B9D1: variants seen among roughly 807,000 people sequenced by gnomAD.
B9D1 encodes B9 domain containing 1.
In B9D1, 20 loss-of-function variants were observed where a neutral mutation model predicts 26.1. That is an observed-to-expected ratio of 0.77 (90% CI 0.54 to 1.12). The LOEUF (loss-of-function observed/expected upper bound fraction) is 1.12, where lower values mean the gene tolerates loss of function less well. Ranked by LOEUF, B9D1 falls within the 50% of genes most tolerant of loss-of-function variation. The probability of loss-of-function intolerance (pLI) is 0.00; values close to 1 mark genes in which losing one functional copy is unlikely to be tolerated. For missense variants in B9D1, 260 were observed against 273.7 expected, an observed-to-expected ratio of 0.95 and a Z score of 0.35; for synonymous variants, 105 against 103.1, an observed-to-expected ratio of 1.02 and a Z score of -0.11.
upstream of B9D1, among the ~76,000 whole-genome samples, chr17:19,365,472 C>T (rs571874222): frequency 3.9e-5 from 6 of 152,358 alleles, no homozygotes; most frequent in Admixed American, 2.6e-4. The surrounding 1 kb of genome is among the most constrained non-coding windows in gnomAD (Gnocchi z 5.0). Context: ...GATGAGGGCC[C>T]CCTCACAGCG....
chr17:19,376,456 G>C (rs1912104751), intron 1 of B9D1, among the ~76,000 whole-genome samples: 1 of 151,862 alleles, frequency 6.6e-6, no homozygotes, highest in African/African-American at 2.4e-5. Context: ...CTGCTACTGG[G>C]AGGCTTCAAC....
upstream of B9D1, chr17:19,362,813 A>G: frequency 1.7e-6 from 2 of 1,191,312 alleles, no homozygotes; most frequent in Non-Finnish European, 1.2e-6. Flanking sequence ...TAGGGCAGGT[A>G]TGACCGAGAG....
chr17:19,372,842 A>G lies in B9D1; in HGVS notation c.-298+5017T>C, dbSNP rs1911956364. Among the ~76,000 whole-genome samples the G allele has an allele frequency of 6.6e-6, 1 of 152,182 alleles. No homozygotes were observed. The highest frequency in any genetic ancestry group is 2.1e-4 in the South Asian group (1 of 4,832). Reference sequence around the variant, plus strand: ...AGCAGAGCGGCACCCTGCTCGGACAATTCACCTGCGCTCCTCAAAGTTTTT... The same window carrying G: ...AGCAGAGCGGCACCCTGCTCGGACAGTTCACCTGCGCTCCTCAAAGTTTTT... On this transcript the variant is annotated intron_variant, in intron 1 of 5. Coordinates refer to the B9D1 transcript ENST00000477478. This position sits in a 1 kb window ranked among gnomAD's most constrained non-coding sequence, Gnocchi z 4.4.
At chr17:19,338,120 A>G (rs1023072469), downstream of B9D1, among the ~76,000 whole-genome samples, 1 of 152,234 alleles carries the variant, frequency 6.6e-6, no homozygotes, top group Non-Finnish European at 1.5e-5. Context: ...TCCCCCAACA[A>G]TAACAACAAA....
In B9D1 at chr17:19,347,640, T is replaced by G; in HGVS notation, c.341+144A>C. 1 of 840,554 alleles carries G rather than the reference T, an allele frequency of 1.2e-6. No homozygotes were observed. The highest frequency in any genetic ancestry group is 2.0e-6 in the Non-Finnish European group (1 of 511,818). The allele number at this position is 840,554 out of a possible 1,614,324, so 52.1% of individuals were successfully genotyped here. A position where few individuals can be genotyped will look rare whatever the true frequency, so the allele number is the denominator to read the frequency against. ...AAAGGTTCTCCTCCCAAATACAGGC[T>G]ACAACCCCCCTGGCCACCAGGCTGA... On this transcript the variant is annotated intron_variant, in intron 4 of 6. Coordinates refer to ENST00000261499, the MANE Select transcript of B9D1 (RefSeq NM_015681.6). This position sits in a 1 kb window ranked among gnomAD's most constrained non-coding sequence, Gnocchi z 4.3.
intron 1 of B9D1, among the ~76,000 whole-genome samples, chr17:19,367,929 C>A (rs1911683183): frequency 1.3e-5 from 2 of 152,190 alleles, no homozygotes; most frequent in Non-Finnish European, 2.9e-5. Context: ...GGATCATTTA[C>A]TAAATGCTTG....
intron 1 of B9D1, 119 bp downstream of exon 1, chr17:19,362,388 C>A: frequency 1.4e-6 from 1 of 731,418 alleles, no homozygotes; most frequent in South Asian, 2.0e-5. Flanking sequence ...CCCCGCCTAA[C>A]CGAGAGGCTC....
At chr17:19,349,841 C>T (rs909176895) in intron 3 of B9D1, among the ~76,000 whole-genome samples, 21 of 152,162 alleles carry the variant, frequency 1.4e-4, no homozygotes, top group African/African-American at 4.8e-4. Context: ...GAAAATCTTC[C>T]CTTACCCTGA....
downstream of B9D1, chr17:19,341,451 G>A (rs964474969): frequency 7.3e-6 from 4 of 546,248 alleles, no homozygotes; most frequent in Middle Eastern, 5.3e-4. Context: ...GAAAACTCAC[G>A]ATGGAGGGAG....
rs1449450973 is a variant in B9D1, at chr17:19,359,065, A to G, written c.133-1114T>C. 6.6e-6 allele frequency among the ~76,000 whole-genome samples: 1 copy of G among 152,180 alleles called. No homozygotes were observed. Among genetic ancestry groups the G allele is most frequent in the Non-Finnish European group, 1.5e-5 (1 of 68,038 alleles). On this transcript the variant is annotated intron_variant, in intron 2 of 6. Transcript: ENST00000261499. The surrounding 1 kb of genome is among the most constrained non-coding windows in gnomAD (Gnocchi z 5.0). Reference sequence around the variant, plus strand: ...TATCTTCAGAATATACTTGCAGTCCAGCCCCTCCCACCACCCCACTGCCAC... The same window carrying G: ...TATCTTCAGAATATACTTGCAGTCCGGCCCCTCCCACCACCCCACTGCCAC...
intron 2 of B9D1, among the ~76,000 whole-genome samples, chr17:19,358,497 C>T (rs1218995715): frequency 6.6e-6 from 1 of 152,224 alleles, no homozygotes; most frequent in Non-Finnish European, 1.5e-5. Flanking sequence ...CAGCACTCTA[C>T]CAAAGGGTTT....
At chr17:19,365,844 T>C (rs558595051), upstream of B9D1, among the ~76,000 whole-genome samples, 203 of 152,108 alleles carry the variant, frequency 1.3e-3, 2 homozygotes, top group Middle Eastern at 0.01. This position sits in a 1 kb window ranked among gnomAD's most constrained non-coding sequence, Gnocchi z 5.0. Context: ...TTTGTAGCTA[T>C]TCTTTTTTTT....
At chr17:19,343,641 G>A in intron 6 of B9D1, 149 bp downstream of exon 6, 1 of 1,584,972 alleles carries the variant, frequency 6.3e-7, no homozygotes, top group Non-Finnish European at 8.6e-7. Flanking sequence ...AACCCTCTGT[G>A]CTCCAACCAG....
downstream of B9D1, among the ~76,000 whole-genome samples, chr17:19,342,664 T>C (rs1327594789): frequency 6.6e-6 from 1 of 152,090 alleles, no homozygotes; most frequent in Non-Finnish European, 1.5e-5. Flanking sequence ...CACCTTCCTC[T>C]CCTGCCAAGG....
At chr17:19,335,404 G>A, downstream of B9D1, 3 of 1,548,194 alleles carry the variant, frequency 1.9e-6, no homozygotes, top group Non-Finnish European at 2.6e-6. Flanking sequence ...TTTTATTAAA[G>A]GCATGCAGGG....
At chr17:19,357,783 TG>T in intron 3 of B9D1, 56 bp downstream of exon 3, 3 of 1,262,936 alleles carry the variant, frequency 2.4e-6, no homozygotes, top group Non-Finnish European at 3.5e-6. Context: ...GAGGCTGTCT[TG>T]GGGGTGCTGT....
At chr17:19,346,965 C>T (rs1172287650) in intron 5 of B9D1, 49 of 1,510,904 alleles carry the variant, frequency 3.2e-5, no homozygotes, top group Non-Finnish European at 4.2e-5. Flanking sequence ...TTGTTTCCCA[C>T]CTTTTAATGT....
upstream of B9D1, chr17:19,362,750 T>C (rs1458796682): frequency 1.5e-5 from 23 of 1,484,198 alleles, no homozygotes; most frequent in South Asian, 8.5e-5. Flanking sequence ...GGCGCCGTTA[T>C]AAGGGGGCGG....
intron 3 of B9D1, among the ~76,000 whole-genome samples, chr17:19,352,405 C>G (rs1437999668): frequency 6.6e-6 from 1 of 151,722 alleles, no homozygotes; most frequent in Non-Finnish European, 1.5e-5. Context: ...AGTGAAGTGG[C>G]ACAATCTCAG....
Sources: allele counts gnomAD v4.1 joint callset (sites outside exome capture counted in the v4.1 genomes callset), GRCh38; gene constraint gnomAD v4.1.1; non-coding constraint Gnocchi (gnomAD v3.1); transcripts MANE v1.5; gene names NCBI Gene and HGNC (gene_info 2026-07-23, HGNC 2026-07-21).